PPP1R10: variants seen among roughly 807,000 people sequenced by gnomAD.
PPP1R10 encodes serine/threonine-protein phosphatase 1 regulatory subunit 10.
Under a neutral mutation model 99.0 loss-of-function variants are expected in PPP1R10, and 15 were observed. The ratio of observed to expected loss-of-function variants is 0.15; its 90% CI spans 0.10 to 0.23. PPP1R10 has a LOEUF of 0.23. Among genes scored for constraint, PPP1R10 ranks in the 10% least tolerant of loss-of-function variants. PPP1R10 has a pLI of 1.00. For missense variants in PPP1R10, 947 were observed against 1,259.4 expected, an observed-to-expected ratio of 0.75 and a Z score of 3.75; for synonymous variants, 430 against 449.5, an observed-to-expected ratio of 0.96 and a Z score of 0.55.
At position 30,602,828 on chromosome 6, in the gene PPP1R10, C is replaced by T. The variant is rs915009835; in HGVS notation, c.1957+18G>A. 4 of 1,550,796 alleles carry T rather than the reference C, an allele frequency of 2.6e-6. No individual in the cohort carries two copies. The African/African-American group carries it at 5.5e-5, about 21-fold the overall frequency. On this transcript the variant is annotated intron_variant, in intron 18 of 19. Transcript: ENST00000376511. This position sits in a 1 kb window ranked among gnomAD's most constrained non-coding sequence, Gnocchi z 6.7. ...ATTAAGCAGATAAGCCCATTCCAAC[C>T]TTTTACTCACCACCTACCTGGCATA...
rs141342848 is a variant in PPP1R10, at chr6:30,606,377, G to A, written c.634+91C>T. ...TCTGCTAGTCTTCCCTCTTCCTTAC[G>A]ATTAACATACCACACATCAAATGAT... On this transcript the variant is annotated intron_variant, in intron 8 of 19. Coordinates refer to ENST00000376511, the MANE Select transcript of PPP1R10 (RefSeq NM_002714.4). This position sits in a 1 kb window ranked among gnomAD's most constrained non-coding sequence, Gnocchi z 6.3. 6.0e-5 allele frequency: 94 copies of A among 1,576,964 alleles called. No homozygotes were observed. The highest frequency in any genetic ancestry group is 9.5e-5 in the African/African-American group (7 of 73,958).
In PPP1R10 at chr6:30,601,985, G is replaced by T; in HGVS notation, c.2664C>A (p.His888Gln). 1 of 1,511,634 alleles carries T rather than the reference G, an allele frequency of 6.6e-7. No individual in the cohort carries two copies. The highest frequency in any genetic ancestry group is 8.8e-7 in the Non-Finnish European group (1 of 1,131,036). The allele number at this position is 1,511,634 out of a possible 1,614,324, so 93.6% of individuals were successfully genotyped here. ...CGTGCCCTCGGTGGCCCCCTCCCCC[G>T]TGGCCAGGACCATCATGGCCACGGT... ...HEHRGHDGPG[H>Q]GGGGHRGHDG... Residue 888 changes from histidine to glutamine, a missense_variant, in exon 19 of 20, where the codon CAC (histidine) becomes CAA (glutamine). Physicochemically the swap from His to Gln is conservative, Grantham distance 24. Coordinates refer to ENST00000376511, the MANE Select transcript of PPP1R10 (RefSeq NM_002714.4).
intron 2 of PPP1R10, among the ~76,000 whole-genome samples, chr6:30,615,229 TAAAAAA>T (rs5875265): frequency 4.6e-5 from 5 of 109,762 alleles, no homozygotes; most frequent in African/African-American, 1.6e-4. Context: ...ACCTTTTTAG[TAAAAAA>T]AAAAAAAAAA....
At position 30,606,669 on chromosome 6, in the gene PPP1R10, G is replaced by A; in HGVS notation, c.461-28C>T. 6.2e-7 allele frequency: 1 copy of A among 1,613,772 alleles called. No homozygotes were observed. The highest frequency in any genetic ancestry group is 8.5e-7 in the Non-Finnish European group (1 of 1,179,834). ...GTTGTGAAAAAACAAAGCAGAAAAG[G>A]ATTTTATTTAGATGAACACTGTCAG... On this transcript the variant is annotated intron_variant, in intron 7 of 19. Coordinates refer to ENST00000376511, the MANE Select transcript of PPP1R10 (RefSeq NM_002714.4). This position sits in a 1 kb window ranked among gnomAD's most constrained non-coding sequence, Gnocchi z 6.3.
In PPP1R10 at chr6:30,601,662, T is replaced by C. The variant is rs1803325866; in HGVS notation, c.2714-4A>G. Reference sequence around the variant, plus strand: ...CAGACAGGGCGGTTTGACATGTCTGTGGGAACGATGGCAAAACAGTTAGAC... The same window carrying C: ...CAGACAGGGCGGTTTGACATGTCTGCGGGAACGATGGCAAAACAGTTAGAC... On this transcript the variant is annotated splice_polypyrimidine_tract_variant and splice_region_variant and intron_variant, in intron 19 of 19. Coordinates refer to ENST00000376511, the MANE Select transcript of PPP1R10 (RefSeq NM_002714.4). The C allele has an allele frequency of 1.7e-5, 28 of 1,612,714 alleles. No homozygotes were observed. The highest frequency in any genetic ancestry group is 2.2e-5 in the Non-Finnish European group (26 of 1,178,962).
At position 30,606,502 on chromosome 6, in the gene PPP1R10, G is replaced by A; in HGVS notation, c.600C>T (p.Thr200=). Residue 200 remains threonine, a synonymous_variant, in exon 8 of 20, where the codon ACC becomes ACT. Coordinates refer to ENST00000376511, the MANE Select transcript of PPP1R10 (RefSeq NM_002714.4). The surrounding 1 kb of genome is among the most constrained non-coding windows in gnomAD (Gnocchi z 6.3). ...KKREKPKSLR[T]TAPSHAKFRS... ...GGAACTTGGCATGACTGGGTGCTGT[G>A]GTGCGAAGAGACTTGGGCTTCTCCC... The A allele has an allele frequency of 6.2e-7, 1 of 1,613,496 alleles. No individual in the cohort carries two copies. The highest frequency in any genetic ancestry group is 8.5e-7 in the Non-Finnish European group (1 of 1,180,042).
intron 10 of PPP1R10, among the ~76,000 whole-genome samples, chr6:30,605,525 A>C (rs1419498262): frequency 6.6e-6 from 1 of 152,272 alleles, no homozygotes; most frequent in South Asian, 2.1e-4. Flanking sequence ...ATAAAAGAGA[A>C]GGGAAAAAAC....
At position 30,602,598 on chromosome 6, in the gene PPP1R10, C is replaced by G. The variant is rs1430432587; in HGVS notation, c.2051G>C (p.Gly684Ala). 1.5e-5 allele frequency: 24 copies of G among 1,574,546 alleles called. No individual in the cohort carries two copies. In the Admixed American group the frequency reaches 4.5e-4, roughly 30 times the overall value. ...CATTGGGCCACCCCGCATAGGGTCG[C>G]CCGGGCCATCCCAGAAGGGATCACC... The part of the protein sequence containing the change: ...RGGDPFWDGP[G>A]DPMRGGPMRG... The change falls in exon 19 of 20, where the codon GGC becomes GCC. Residue 684 changes from glycine (G) to alanine (A), a missense_variant. Around this residue, in one of 10 missense-constraint regions of PPP1R10, gnomAD observed 525 missense variants for 578.8 expected, o/e 0.91. Transcript: ENST00000376511. The surrounding 1 kb of genome is among the most constrained non-coding windows in gnomAD (Gnocchi z 6.7).
At position 30,609,735 on chromosome 6, in the gene PPP1R10, C is replaced by T; in HGVS notation, c.107+103G>A. 2 of 1,019,782 alleles carry T rather than the reference C, an allele frequency of 2.0e-6. No individual in the cohort carries two copies. The highest frequency in any genetic ancestry group is 3.1e-6 in the Non-Finnish European group (2 of 649,304). The allele number at this position is 1,019,782 out of a possible 1,614,324, so 63.2% of individuals were successfully genotyped here. ...TAATCCTATTGCACTGACTATCTTT[C>T]CCTTTCCTTTCCAGGATCATTCCAG... On this transcript the variant is annotated intron_variant, in intron 3 of 19. Transcript: ENST00000376511. This position sits in a 1 kb window ranked among gnomAD's most constrained non-coding sequence, Gnocchi z 4.5.
At position 30,606,923 on chromosome 6, in the gene PPP1R10, G is replaced by A; in HGVS notation, c.383-67C>T. On this transcript the variant is annotated intron_variant, in intron 6 of 19. Transcript: ENST00000376511. This position sits in a 1 kb window ranked among gnomAD's most constrained non-coding sequence, Gnocchi z 6.3. The stretch of plus-strand genomic sequence containing the variant: ...TAACATTCTTCCAGGAACAGAAAAT[G>A]GGAGGTTTGAGAAAATATTGTGAAA... The A allele has an allele frequency of 7.1e-7, 1 of 1,402,746 alleles. No individual in the cohort carries two copies. Among genetic ancestry groups the A allele is most frequent in the Non-Finnish European group, 1.0e-6 (1 of 1,003,742 alleles). 86.9% of individuals were successfully genotyped at this position (1,402,746 alleles called of 1,614,324 possible).
rs1239691150 is a variant in PPP1R10 at position 30,604,631 on chromosome 6, G to C, written c.1059C>G (p.Gly353=). 1.2e-6 allele frequency: 2 copies of C among 1,613,126 alleles called. No individual in the cohort carries two copies. Among genetic ancestry groups the C allele is most frequent in the Non-Finnish European group, 1.7e-6 (2 of 1,180,038 alleles). The part of the protein sequence containing the change: ...PSEAMDADRP[G]TPVPPVEVPE... ...GGACTTCAACAGGGGGAACCGGGGTGCCTGGACGGTCTGCGTCCATTGCCT... is the reference window on the plus strand; with the variant it reads ...GGACTTCAACAGGGGGAACCGGGGTCCCTGGACGGTCTGCGTCCATTGCCT... Residue 353 remains glycine (G), a synonymous_variant, in exon 12 of 20, where the codon GGC becomes GGG. Coordinates refer to ENST00000376511, the MANE Select transcript of PPP1R10 (RefSeq NM_002714.4). This position sits in a 1 kb window ranked among gnomAD's most constrained non-coding sequence, Gnocchi z 7.3.
Position 30,606,860 on chromosome 6 carries a change from C to T in PPP1R10, c.383-4G>A, listed in dbSNP as rs1804006141. ...ACTGAGGCCAATTTCCGGAGCTCTG[C>T]AGGTGACAGAAAGGGGAAATGCCTA... On this transcript the variant is annotated splice_polypyrimidine_tract_variant and splice_region_variant and intron_variant, in intron 6 of 19. Transcript: ENST00000376511. The surrounding 1 kb of genome is among the most constrained non-coding windows in gnomAD (Gnocchi z 6.3). 1.2e-6 allele frequency: 2 copies of T among 1,611,992 alleles called. No individual in the cohort carries two copies. The highest frequency in any genetic ancestry group is 1.7e-6 in the Non-Finnish European group (2 of 1,178,308).
In PPP1R10 at chr6:30,604,466, G is replaced by A. The variant is rs1803703625; in HGVS notation, c.1148C>T (p.Pro383Leu). ...GALDAKPVES[P>L]GDPNQLTRKG... The stretch of plus-strand genomic sequence containing the variant: ...CCGGGTCAGTTGGTTAGGATCTCCA[G>A]GACTCTCCACTGGCTTGGCATCCAG... Residue 383 changes from proline to leucine, a missense_variant, in exon 13 of 20, where the codon CCT becomes CTT. Physicochemically the swap from Pro to Leu is moderately conservative, Grantham distance 98. Coordinates refer to ENST00000376511, the MANE Select transcript of PPP1R10 (RefSeq NM_002714.4). The surrounding 1 kb of genome is among the most constrained non-coding windows in gnomAD (Gnocchi z 7.3). 1 of 1,613,088 alleles carries A rather than the reference G, an allele frequency of 6.2e-7. No homozygotes were observed. Among genetic ancestry groups the A allele is most frequent in the Non-Finnish European group, 8.5e-7 (1 of 1,180,030 alleles).
Position 30,609,631 on chromosome 6 carries a change from G to A in PPP1R10, c.107+207C>T, listed in dbSNP as rs1467433127. Among the ~76,000 whole-genome samples, 3 of 152,160 alleles carry A rather than the reference G, an allele frequency of 2.0e-5. No homozygotes were observed. Among genetic ancestry groups the A allele is most frequent in the African/African-American group, 2.4e-5 (1 of 41,448 alleles). ...GCATGACTCCCTTGGGACCGTGGAC[G>A]TCCAAATCTCCAGTTTCCATTATGG... On this transcript the variant is annotated intron_variant, in intron 3 of 19. Transcript: ENST00000376511. This position sits in a 1 kb window ranked among gnomAD's most constrained non-coding sequence, Gnocchi z 4.5.
intron 19 of PPP1R10, 112 bp downstream of exon 19, chr6:30,601,824 A>C (rs1307789671): frequency 7.3e-7 from 1 of 1,373,738 alleles, no homozygotes; most frequent in Non-Finnish European, 9.7e-7. Flanking sequence ...GACATCAAAG[A>C]GACGGGTACC....
intron 2 of PPP1R10, among the ~76,000 whole-genome samples, chr6:30,614,300 G>GAA (rs3216458): frequency 2.1e-5 from 3 of 145,090 alleles, no homozygotes; most frequent in Non-Finnish European, 4.6e-5. Context: ...GCTCTTTGGG[G>GAA]AAAAAAAAAA....
At position 30,603,809 on chromosome 6, in the gene PPP1R10, T is replaced by C. The variant is rs772408089; in HGVS notation, c.1543A>G (p.Ile515Val). 1 of 1,541,688 alleles carries C rather than the reference T, an allele frequency of 6.5e-7. No individual in the cohort carries two copies. ...TCTAGGGGGATGAGTTTAGGGGGTA[T>C]GGGCTCGTAGGGCTCAGGATCAGGC... ...HEPDPEPYEP[I>V]PPKLIPLDEE... Residue 515 changes from isoleucine to valine, a missense_variant, in exon 15 of 20, where the codon ATA becomes GTA. This residue lies in a region of PPP1R10 where 525 missense variants were observed against 578.8 expected (regional missense o/e 0.91). Coordinates refer to ENST00000376511, the MANE Select transcript of PPP1R10 (RefSeq NM_002714.4).
chr6:30,605,958 G>A lies in PPP1R10; in HGVS notation c.818C>T (p.Thr273Ile). 6.2e-7 allele frequency: 1 copy of A among 1,613,924 alleles called. No homozygotes were observed. Among genetic ancestry groups the A allele is most frequent in the Non-Finnish European group, 8.5e-7 (1 of 1,179,914 alleles). Residue 273 changes from threonine (T) to isoleucine (I), a missense_variant, in exon 10 of 20, where the codon ACC (threonine) becomes ATC (isoleucine). Around this residue, in one of 10 missense-constraint regions of PPP1R10, gnomAD observed 39 missense variants for 34.4 expected, o/e 1.14. Transcript: ENST00000376511. ...GATGATCTTCACTTTGATCTCTTTGGTGGCATTAGGTGTTGTGTTGAGTGG... is the reference window on the plus strand; with the variant it reads ...GATGATCTTCACTTTGATCTCTTTGATGGCATTAGGTGTTGTGTTGAGTGG... ...YKPLNTTPNA[T>I]KEIKVKIIPP...
chr6:30,604,324 C>A lies in PPP1R10; in HGVS notation c.1261+29G>T, dbSNP rs1561833943. On this transcript the variant is annotated intron_variant, in intron 13 of 19. Coordinates refer to ENST00000376511, the MANE Select transcript of PPP1R10 (RefSeq NM_002714.4). The surrounding 1 kb of genome is among the most constrained non-coding windows in gnomAD (Gnocchi z 7.3). ...AAGTCCTTTCAAAATCCCTTAAACA[C>A]ACCTATTACGTAGGAAATGACCTCT... The A allele has an allele frequency of 6.2e-7, 1 of 1,614,046 alleles. No individual in the cohort carries two copies. The highest frequency in any genetic ancestry group is 1.7e-5 in the Admixed American group (1 of 60,028).
Sources: allele counts gnomAD v4.1 joint callset (sites outside exome capture counted in the v4.1 genomes callset), GRCh38; gene constraint gnomAD v4.1.1; regional missense constraint gnomAD v4.1.1; non-coding constraint Gnocchi (gnomAD v3.1); transcripts MANE v1.5; gene names NCBI Gene and HGNC (gene_info 2026-07-23, HGNC 2026-07-21).